The following PCGF5 variants were observed in gnomAD, a reference collection of about 807,000 sequenced individuals.
PCGF5 encodes the protein polycomb group RING finger protein 5.
PCGF5 carries 9 observed loss-of-function variants against 44.3 expected under a neutral mutation model. That is an observed-to-expected ratio of 0.20 (90% CI 0.12 to 0.35). PCGF5 has a LOEUF of 0.35. Among genes scored for constraint, PCGF5 ranks in the 10% least tolerant of loss-of-function variants. The pLI, the probability that PCGF5 is intolerant of heterozygous loss-of-function variation, is 1.00. For synonymous variants in PCGF5, 95 were observed against 102.5 expected (o/e 0.93, Z 0.44); for missense variants, 146 against 305.3 (o/e 0.48, Z 3.89).
At chr10:91,275,955 T>TC (rs1436244486) in intron 9 of PCGF5, among the ~76,000 whole-genome samples, 1 of 152,162 alleles carries the variant, frequency 6.6e-6, no homozygotes, top group Admixed American at 6.5e-5. Context: ...TACTGATAAC[T>TC]CACAGTTCAT....
intron 6 of PCGF5, among the ~76,000 whole-genome samples, chr10:91,260,120 A>T (rs1165683511): frequency 8.6e-5 from 13 of 151,992 alleles, no homozygotes; most frequent in Non-Finnish European, 1.6e-4. Flanking sequence ...AATTTACAAG[A>T]AAAAACAACC....
chr10:91,229,112 T>G (rs1248778954), intron 2 of PCGF5, among the ~76,000 whole-genome samples: 1 of 152,230 alleles, frequency 6.6e-6, no homozygotes, highest in Non-Finnish European at 1.5e-5. Context: ...GAGCTTTACA[T>G]TCATTGTTTT....
intron 2 of PCGF5, among the ~76,000 whole-genome samples, chr10:91,225,964 C>A (rs1336658110): frequency 6.6e-6 from 1 of 151,774 alleles, no homozygotes; most frequent in African/African-American, 2.4e-5. Flanking sequence ...AATTAAATAA[C>A]CAAATGGAAA....
intron 1 of PCGF5, among the ~76,000 whole-genome samples, chr10:91,170,716 C>T (rs571932449): frequency 2.0e-4 from 31 of 152,150 alleles, no homozygotes; most frequent in African/African-American, 3.6e-4. Context: ...TCTTACAAAA[C>T]GAAACATACT....
intron 1 of PCGF5, among the ~76,000 whole-genome samples, chr10:91,182,892 G>T (rs531428512): frequency 3.3e-5 from 5 of 152,172 alleles, no homozygotes; most frequent in Non-Finnish European, 7.4e-5. Flanking sequence ...TAATTCAGGA[G>T]CAGGTTATTC....
At chr10:91,179,137 GTAT>G (rs1843771814) in intron 1 of PCGF5, among the ~76,000 whole-genome samples, 1 of 152,094 alleles carries the variant, frequency 6.6e-6, no homozygotes, top group Admixed American at 6.5e-5. Context: ...AACATCTTTT[GTAT>G]TATTCCCATC....
chr10:91,226,289 T>TAA (rs66465569), intron 2 of PCGF5, among the ~76,000 whole-genome samples: 4,466 of 75,056 alleles, frequency 0.06, 368 homozygotes, highest in Middle Eastern at 0.087. Context: ...TTAAGAAATG[T>TAA]AAAAAAAAAA....
chr10:91,173,800 C>T (rs1239059802), intron 1 of PCGF5, among the ~76,000 whole-genome samples: 1 of 151,954 alleles, frequency 6.6e-6, no homozygotes, highest in African/African-American at 2.4e-5. Flanking sequence ...AGATTAAATT[C>T]TTCAGGCTAA....
intron 1 of PCGF5, among the ~76,000 whole-genome samples, chr10:91,171,199 G>T (rs1564623920): frequency 6.6e-6 from 1 of 152,284 alleles, no homozygotes; most frequent in Admixed American, 6.5e-5. Flanking sequence ...GAATGTAGAA[G>T]AATACAAAAT....
chr10:91,257,555 A>G lies in PCGF5; in HGVS notation c.475-3771A>G, dbSNP rs560145173. On this transcript the variant is annotated intron_variant, in intron 6 of 9. Transcript: ENST00000336126. ...TGTATATACTGGTTTTTTTAATTTGATAACTGAGATAGCTAAGTCACTAAT... is the reference window on the plus strand; with the variant it reads ...TGTATATACTGGTTTTTTTAATTTGGTAACTGAGATAGCTAAGTCACTAAT... Among the ~76,000 whole-genome samples, 81 of 152,200 alleles carry G rather than the reference A, an allele frequency of 5.3e-4. 1 individual carries two copies. In the South Asian group the frequency reaches 0.015, roughly 29 times the overall value.
chr10:91,169,172 G>A (rs1327138747), intron 1 of PCGF5, among the ~76,000 whole-genome samples: 1 of 152,052 alleles, frequency 6.6e-6, no homozygotes, highest in Non-Finnish European at 1.5e-5. Flanking sequence ...CAGGATACAG[G>A]ATAAAAGTGG....
intron 1 of PCGF5, among the ~76,000 whole-genome samples, chr10:91,221,158 C>T (rs1844665784): frequency 6.6e-6 from 1 of 152,252 alleles, no homozygotes; most frequent in African/African-American, 2.4e-5. Context: ...AGGGCTGTAC[C>T]GCTGGGTCCT....
At chr10:91,266,389 T>C (rs928363297) in intron 8 of PCGF5, among the ~76,000 whole-genome samples, 6 of 152,188 alleles carry the variant, frequency 3.9e-5, no homozygotes, top group African/African-American at 1.4e-4. Flanking sequence ...TTTATAGACA[T>C]TTTTAGTAAG....
intron 1 of PCGF5, among the ~76,000 whole-genome samples, chr10:91,170,347 G>T (rs1453069661): frequency 6.6e-6 from 1 of 152,176 alleles, no homozygotes; most frequent in Non-Finnish European, 1.5e-5. Context: ...CACAGACTGG[G>T]AGAAAATATT....
intron 1 of PCGF5, among the ~76,000 whole-genome samples, chr10:91,191,563 C>A (rs1040914153): frequency 2.6e-5 from 4 of 152,186 alleles, no homozygotes; most frequent in African/African-American, 4.8e-5. Flanking sequence ...TGCACTTTTT[C>A]CTACTAACAT....
intron 6 of PCGF5, among the ~76,000 whole-genome samples, chr10:91,254,264 CTAGAT>C (rs1377675819): frequency 6.6e-6 from 1 of 151,196 alleles, no homozygotes; most frequent in Non-Finnish European, 1.5e-5. Flanking sequence ...AGATCTGTAT[CTAGAT>C]TATATAAAAG....
At chr10:91,178,309 T>C (rs1313302137) in intron 1 of PCGF5, among the ~76,000 whole-genome samples, 5 of 152,088 alleles carry the variant, frequency 3.3e-5, no homozygotes, top group African/African-American at 1.2e-4. Context: ...CAGAAGAAAT[T>C]GCTAAAATTT....
chr10:91,237,497 CT>C (rs1450396005), intron 2 of PCGF5, among the ~76,000 whole-genome samples: 2 of 152,196 alleles, frequency 1.3e-5, no homozygotes, highest in Admixed American at 1.3e-4. Context: ...AATTCCAGCA[CT>C]TTGGGAGGCC....
chr10:91,248,152 A>G (rs2133370714), intron 3 of PCGF5, among the ~76,000 whole-genome samples: 1 of 152,300 alleles, frequency 6.6e-6, no homozygotes, highest in East Asian at 1.9e-4. Context: ...TTAGGCTTAG[A>G]ACCAAGCAGT....
Sources: gnomAD v4.1 joint callset for allele counts (sites outside exome capture counted in the v4.1 genomes callset) on GRCh38, gnomAD v4.1.1 for gene constraint, MANE v1.5 for transcripts, NCBI Gene and HGNC (gene_info 2026-07-23, HGNC 2026-07-21) for gene names.